Variants in SESTD1 observed in about 807,000 individuals in gnomAD.
The protein encoded by SESTD1 is SEC14 and spectrin domain containing 1.
A neutral mutation model predicts 101.7 loss-of-function variants in SESTD1; 43 were observed. The observed-to-expected ratio is 0.42, with a 90% CI of 0.33 to 0.55. The LOEUF (loss-of-function observed/expected upper bound fraction) is 0.55. SESTD1 is among the 20% of genes least tolerant of loss of function. The probability of loss-of-function intolerance (pLI) is 0.07; values close to 1 mark genes in which losing one functional copy is unlikely to be tolerated. For missense variants in SESTD1, 647 were observed against 815.1 expected (o/e 0.79, Z 2.51); for synonymous variants, 283 against 286.8 (o/e 0.99, Z 0.13).
chr2:179,138,884 A>G (rs2045216554), intron 9 of SESTD1, among the ~76,000 whole-genome samples: 1 of 151,106 alleles, frequency 6.6e-6, no homozygotes, highest in Admixed American at 6.6e-5. Flanking sequence ...AAAAAAAAAA[A>G]AAAAAAAAAA....
At chr2:179,174,322 C>T (rs2045973727) in intron 4 of SESTD1, 4 of 394,684 alleles carry the variant, frequency 1.0e-5, no homozygotes, top group Non-Finnish European at 2.0e-5. Context: ...AAAATGTTAA[C>T]TATTAATAAA....
intron 10 of SESTD1, among the ~76,000 whole-genome samples, chr2:179,130,311 T>C (rs1204695996): frequency 6.6e-6 from 1 of 152,152 alleles, no homozygotes; most frequent in African/African-American, 2.4e-5. Flanking sequence ...AAGATGAAGA[T>C]ATTAGAATAA....
rs141595280 is a variant in SESTD1, at chr2:179,177,944, C to G, written c.165-1406G>C. Reference sequence around the variant, plus strand: ...ATTATGCTAAGTAAAACACGCCAGACACAAAAGGACACACACTGAATGATT... The same window carrying G: ...ATTATGCTAAGTAAAACACGCCAGAGACAAAAGGACACACACTGAATGATT... On this transcript the variant is annotated intron_variant, in intron 3 of 17. Transcript: ENST00000428443. Among the ~76,000 whole-genome samples the G allele has an allele frequency of 2.0e-3, 308 of 152,268 alleles. 1 individual carries two copies. Among genetic ancestry groups the G allele is most frequent in the African/African-American group, 6.9e-3 (286 of 41,566 alleles).
intron 7 of SESTD1, among the ~76,000 whole-genome samples, chr2:179,147,865 T>TA (rs996492632): frequency 2.3e-4 from 35 of 152,296 alleles, no homozygotes; most frequent in African/African-American, 8.4e-4. Flanking sequence ...ACATCAAACT[T>TA]ACTCGGATGG....
chr2:179,125,098 C>T (rs544416034), intron 10 of SESTD1, among the ~76,000 whole-genome samples: 25 of 152,190 alleles, frequency 1.6e-4, no homozygotes, highest in Admixed American at 3.3e-4. Context: ...CCTTGACTCC[C>T]TCCCTCACCT....
intron 1 of SESTD1, among the ~76,000 whole-genome samples, chr2:179,231,607 TAA>T (rs1255246819): frequency 6.6e-6 from 1 of 150,666 alleles, no homozygotes; most frequent in East Asian, 2.0e-4. Context: ...ATTTATAACA[TAA>T]GAGTTGAAAT....
In SESTD1 at chr2:179,105,909, A is replaced by G. The variant is rs2044372591; in HGVS notation, c.*3990T>C. 5 of 152,186 alleles carry G rather than the reference A, an allele frequency of 3.3e-5. No individual in the cohort carries two copies. The highest frequency in any genetic ancestry group is 1.3e-4 in the Admixed American group (2 of 15,268). The allele number at this position is 152,186 out of a possible 1,614,324, so 9.4% of individuals were successfully genotyped here. On this transcript the variant is annotated 3_prime_UTR_variant, in exon 18 of 18. Transcript: ENST00000428443. ...TGTTCTTTCCTCTACAAGTACTGCCATTATTTATGCTTCTTAGCTAAACCT... is the reference window on the plus strand; with the variant it reads ...TGTTCTTTCCTCTACAAGTACTGCCGTTATTTATGCTTCTTAGCTAAACCT...
intron 1 of SESTD1, among the ~76,000 whole-genome samples, chr2:179,257,261 C>T (rs2047411303): frequency 6.6e-6 from 1 of 152,002 alleles, no homozygotes; most frequent in Admixed American, 6.6e-5. Flanking sequence ...ACCATAGCTA[C>T]CCCAAACTTC....
At chr2:179,153,289 C>T (rs771664550) in intron 5 of SESTD1, among the ~76,000 whole-genome samples, 2 of 152,100 alleles carry the variant, frequency 1.3e-5, no homozygotes, top group Non-Finnish European at 2.9e-5. Flanking sequence ...TGCCATTCTG[C>T]AATCACTTGA....
chr2:179,155,874 T>C (rs1426174456), intron 5 of SESTD1, among the ~76,000 whole-genome samples: 3 of 152,124 alleles, frequency 2.0e-5, no homozygotes, highest in African/African-American at 7.2e-5. Flanking sequence ...TTTGTAGTCT[T>C]TTATCCCTTG....
intron 9 of SESTD1, among the ~76,000 whole-genome samples, chr2:179,137,362 G>A (rs529916960): frequency 6.6e-6 from 1 of 152,160 alleles, no homozygotes; most frequent in Non-Finnish European, 1.5e-5. Flanking sequence ...GGCATGTCAA[G>A]CAAATGTCAA....
At chr2:179,152,780 T>G (rs1379919973) in intron 5 of SESTD1, among the ~76,000 whole-genome samples, 1 of 152,072 alleles carries the variant, frequency 6.6e-6, no homozygotes, top group Non-Finnish European at 1.5e-5. Flanking sequence ...AACAATACAT[T>G]AAATGGAAAT....
intron 13 of SESTD1, among the ~76,000 whole-genome samples, chr2:179,120,298 T>C (rs1401455284): frequency 6.6e-6 from 1 of 152,002 alleles, no homozygotes; most frequent in Non-Finnish European, 1.5e-5. Context: ...AAGAATGGAC[T>C]AATACACTAG....
intron 9 of SESTD1, among the ~76,000 whole-genome samples, chr2:179,138,738 G>C (rs2045211779): frequency 6.6e-6 from 1 of 151,884 alleles, no homozygotes; most frequent in Non-Finnish European, 1.5e-5. Context: ...GGGCATGGTG[G>C]CATGTGTCTG....
At chr2:179,239,381 A>C (rs2047116309) in intron 1 of SESTD1, among the ~76,000 whole-genome samples, 1 of 140,794 alleles carries the variant, frequency 7.1e-6, no homozygotes, top group Non-Finnish European at 1.5e-5. Context: ...AGTCATCTGC[A>C]GGAAGTACAA....
In SESTD1 at chr2:179,213,594, A is replaced by G. The variant is rs971763435; in HGVS notation, c.-25-21728T>C. Among the ~76,000 whole-genome samples the G allele has an allele frequency of 2.2e-5, 3 of 135,474 alleles. 1 individual carries two copies. The highest frequency in any genetic ancestry group is 8.8e-5 in the African/African-American group (3 of 34,240). 88.9% of individuals were successfully genotyped at this position (135,474 alleles called of 152,430 possible). On this transcript the variant is annotated intron_variant, in intron 1 of 17. Coordinates refer to ENST00000428443, the MANE Select transcript of SESTD1 (RefSeq NM_178123.5). The stretch of plus-strand genomic sequence containing the variant: ...CACTCTTCAGGATATTATCCAGAAG[A>G]ACTTCCCCAACCTGGCAAGGAGGCC...
chr2:179,250,862 T>C (rs1161722609), intron 1 of SESTD1, among the ~76,000 whole-genome samples: 1 of 152,178 alleles, frequency 6.6e-6, no homozygotes, highest in Admixed American at 6.5e-5. Context: ...GGAGACAGTT[T>C]GGTAATCTCT....
intron 1 of SESTD1, among the ~76,000 whole-genome samples, chr2:179,236,472 G>A (rs1051407858): frequency 4.0e-5 from 6 of 151,864 alleles, no homozygotes; most frequent in South Asian, 2.1e-4. Flanking sequence ...ACTCTAACCC[G>A]GGCAACACAG....
chr2:179,124,387 C>T lies in SESTD1; in HGVS notation c.1144G>A (p.Glu382Lys), dbSNP rs1294767164. Residue 382 changes from glutamate to lysine, a missense_variant, in exon 11 of 18, where the codon GAA becomes AAA. Physicochemically the swap from Glu to Lys is moderately conservative, Grantham distance 56. Transcript: ENST00000428443. ...FRQNLLQAAL[E>K]FHGVAQDLSQ... ...ACATCTTGGGCAACACCATGAAATT[C>T]AAGAGCTGCTTGTAAGAGATTTTGC... 2 of 1,613,990 alleles carry T rather than the reference C, an allele frequency of 1.2e-6. No individual in the cohort carries two copies. Among genetic ancestry groups the T allele is most frequent in the South Asian group, 2.2e-5 (2 of 91,052 alleles).
Sources: allele counts gnomAD v4.1 joint callset (sites outside exome capture counted in the v4.1 genomes callset), GRCh38; gene constraint gnomAD v4.1.1; transcripts MANE v1.5; gene names NCBI Gene and HGNC (gene_info 2026-07-23, HGNC 2026-07-21).